The following CLEC16A variants were observed in gnomAD, a reference collection of about 807,000 sequenced individuals.
CLEC16A encodes C-type lectin domain containing 16A.
A neutral mutation model predicts 109.5 loss-of-function variants in CLEC16A; 51 were observed. That is an observed-to-expected ratio of 0.47 (90% CI 0.37 to 0.59). CLEC16A has a LOEUF of 0.59. Ranked by LOEUF, CLEC16A falls within the 20% of genes least tolerant of loss-of-function variation. The pLI is 0.00. For synonymous variants in CLEC16A, 673 were observed against 564.2 expected, an observed-to-expected ratio of 1.19 and a Z score of -2.73; for missense variants, 1,339 against 1,394.0, an observed-to-expected ratio of 0.96 and a Z score of 0.63.
At chr16:10,964,652 A>G (rs1355353986) in intron 3 of CLEC16A, among the ~76,000 whole-genome samples, 1 of 152,204 alleles carries the variant, frequency 6.6e-6, no homozygotes, top group Non-Finnish European at 1.5e-5. Context: ...CTCAAAGTCC[A>G]GCTAGGCACG....
At chr16:11,049,898 C>T (rs2047845460) in intron 17 of CLEC16A, among the ~76,000 whole-genome samples, 1 of 152,204 alleles carries the variant, frequency 6.6e-6, no homozygotes, top group Non-Finnish European at 1.5e-5. Flanking sequence ...TGGGGGACCT[C>T]AGGCTTCTGG....
At chr16:11,154,687 G>T (rs1345711918) in intron 22 of CLEC16A, among the ~76,000 whole-genome samples, 1 of 152,216 alleles carries the variant, frequency 6.6e-6, no homozygotes, top group Non-Finnish European at 1.5e-5. Context: ...CACTTTGGGA[G>T]GCTGAGGTGG....
chr16:10,962,475 T>C lies in CLEC16A; in HGVS notation c.230T>C (p.Met77Thr). 1 of 1,613,974 alleles carries C rather than the reference T, an allele frequency of 6.2e-7. No homozygotes were observed. The highest frequency in any genetic ancestry group is 8.5e-7 in the Non-Finnish European group (1 of 1,179,882). The change falls in exon 3 of 24, where the codon ATG becomes ACG. Residue 77 changes from methionine to threonine, a missense_variant. Around this residue, in one of 3 missense-constraint regions of CLEC16A, gnomAD observed 117 missense variants for 120.2 expected, o/e 0.97. Transcript: ENST00000409790. ...CCCAGCTTCTTCCTGGAGAAGAATA[T>C]GTTTGTTTTCTTCTTGAACATCTTG... is the stretch of plus-strand genomic sequence containing the variant. Reference protein sequence around the residue: ...SVFDFFLEKNMFVFFLNILRQ... With the variant: ...SVFDFFLEKNTFVFFLNILRQ...
Position 11,174,290 on chromosome 16 carries a change from T to C in CLEC16A, c.2807-4045T>C. On this transcript the variant is annotated intron_variant, in intron 23 of 23. Coordinates refer to ENST00000409790, the MANE Select transcript of CLEC16A (RefSeq NM_015226.3). This position sits in a 1 kb window ranked among gnomAD's most constrained non-coding sequence, Gnocchi z 4.7. The stretch of plus-strand genomic sequence containing the variant: ...ACAGTCAATTCAGGCAGGTCTCCCC[T>C]GTGAGCCGCTCGGGCCGCGACGTCC... 1 of 452,804 alleles carries C rather than the reference T, an allele frequency of 2.2e-6. No homozygotes were observed. 28.0% of individuals were successfully genotyped at this position (452,804 alleles called of 1,614,324 possible).
At chr16:10,973,531 T>C (rs1036542978) in intron 7 of CLEC16A, among the ~76,000 whole-genome samples, 5 of 152,138 alleles carry the variant, frequency 3.3e-5, no homozygotes, top group African/African-American at 1.2e-4. Flanking sequence ...GCTAGGATGT[T>C]GTGTGGGGAC....
intron 11 of CLEC16A, among the ~76,000 whole-genome samples, chr16:11,015,770 A>G (rs925336828): frequency 6.6e-6 from 1 of 152,260 alleles, no homozygotes; most frequent in Non-Finnish European, 1.5e-5. Flanking sequence ...CCTCCAGGCC[A>G]GGGTGCTGGG....
intron 19 of CLEC16A, among the ~76,000 whole-genome samples, chr16:11,101,462 C>A (rs772502876): frequency 2.6e-5 from 4 of 152,314 alleles, no homozygotes; most frequent in East Asian, 3.9e-4. Flanking sequence ...CCTTGACTGT[C>A]GCACTCTGCG....
chr16:10,973,093 T>TA, intron 7 of CLEC16A, 32 bp downstream of exon 7: 1 of 1,575,626 alleles, frequency 6.3e-7, no homozygotes, highest in Non-Finnish European at 8.6e-7. Context: ...ACTCAGTAGA[T>TA]AGACAGGGTG....
chr16:11,105,572 C>T (rs2152991680), intron 19 of CLEC16A, among the ~76,000 whole-genome samples: 1 of 152,314 alleles, frequency 6.6e-6, no homozygotes, highest in Admixed American at 6.5e-5. Flanking sequence ...TTTTACTAGA[C>T]ATGGCATGTG....
chr16:11,117,973 C>G (rs1180195099), intron 19 of CLEC16A, among the ~76,000 whole-genome samples: 1 of 150,708 alleles, frequency 6.6e-6, no homozygotes, highest in African/African-American at 2.4e-5. Context: ...CTTTCTTTTT[C>G]TTTTCTTTTC....
chr16:11,114,535 C>T (rs1485114005), intron 19 of CLEC16A, among the ~76,000 whole-genome samples: 1 of 152,180 alleles, frequency 6.6e-6, no homozygotes, highest in Non-Finnish European at 1.5e-5. Context: ...CCTTAGCACT[C>T]AGCATACTCC....
chr16:10,976,510 T>G lies in CLEC16A; in HGVS notation c.729-715T>G, dbSNP rs114080218. Among the ~76,000 whole-genome samples, 243 of 152,314 alleles carry G rather than the reference T, an allele frequency of 1.6e-3. 1 individual carries two copies. The highest frequency in any genetic ancestry group is 5.7e-3 in the African/African-American group (238 of 41,552). ...ATTTGTTAGTGGTGGGTTTGAGACT[T>G]TGAATTCTATTTGCTTTTATATTTT... On this transcript the variant is annotated intron_variant, in intron 7 of 23. Transcript: ENST00000409790.
chr16:11,166,673 C>T lies in CLEC16A; in HGVS notation c.2806+121C>T. ...ACAGCACTTGAAGGATGATGCCGCTCAGGTGATCTGCACATGAAGCCTCTA... is the reference window on the plus strand; with the variant it reads ...ACAGCACTTGAAGGATGATGCCGCTTAGGTGATCTGCACATGAAGCCTCTA... On this transcript the variant is annotated intron_variant, in intron 23 of 23. Transcript: ENST00000409790. 8.0e-6 allele frequency: 8 copies of T among 1,004,244 alleles called. No homozygotes were observed. The South Asian group carries it at 9.3e-5, about 12-fold the overall frequency. 62.2% of individuals were successfully genotyped at this position (1,004,244 alleles called of 1,614,324 possible). A position where few individuals can be genotyped will look rare whatever the true frequency, so the allele number is the denominator to read the frequency against.
At chr16:11,157,344 G>A (rs1041172137) in intron 22 of CLEC16A, 11 of 627,106 alleles carry the variant, frequency 1.8e-5, no homozygotes, top group African/African-American at 3.9e-5. Flanking sequence ...GTAGACCTGC[G>A]CCCTGGGCTG....
chr16:11,127,427 C>T (rs918262263), intron 22 of CLEC16A, among the ~76,000 whole-genome samples: 13 of 152,148 alleles, frequency 8.5e-5, no homozygotes, highest in African/African-American at 2.9e-4. Flanking sequence ...GTGCAAATTT[C>T]TCATGTCTGT....
chr16:10,982,299 C>T (rs1306755726), intron 9 of CLEC16A, among the ~76,000 whole-genome samples: 1 of 152,158 alleles, frequency 6.6e-6, no homozygotes, highest in Non-Finnish European at 1.5e-5. Flanking sequence ...TTGCCTCTGT[C>T]TCGTGTGATT....
In CLEC16A at chr16:11,180,841, G is replaced by A. The variant is rs2068933267; in HGVS notation, c.*2151G>A. On this transcript the variant is annotated 3_prime_UTR_variant, in exon 24 of 24. Transcript: ENST00000409790. ...TGTAACCACTGAGCACTGAAGGAGA[G>A]AGGTCTTGGTCAGGGCTGGACAGCA... is the stretch of plus-strand genomic sequence containing the variant. 6.6e-6 allele frequency: 1 copy of A among 152,508 alleles called. No individual in the cohort carries two copies. The highest frequency in any genetic ancestry group is 2.4e-5 in the African/African-American group (1 of 41,470). The allele number at this position is 152,508 out of a possible 1,614,324, so 9.4% of individuals were successfully genotyped here. A position where few individuals can be genotyped will look rare whatever the true frequency, so the allele number is the denominator to read the frequency against.
intron 11 of CLEC16A, among the ~76,000 whole-genome samples, chr16:11,010,064 G>C (rs544582751): frequency 2.0e-5 from 3 of 152,142 alleles, no homozygotes; most frequent in African/African-American, 7.2e-5. Flanking sequence ...GAGGTGGAAG[G>C]ATCCCTTGAG....
intron 23 of CLEC16A, among the ~76,000 whole-genome samples, chr16:11,167,096 G>C (rs545262806): frequency 6.6e-6 from 1 of 152,230 alleles, no homozygotes; most frequent in East Asian, 1.9e-4. Flanking sequence ...GAGGGAACCC[G>C]GGAGTGAATG....
Sources: gnomAD v4.1 joint callset for allele counts (sites outside exome capture counted in the v4.1 genomes callset) on GRCh38, gnomAD v4.1.1 for gene constraint, gnomAD v4.1.1 regional missense constraint, Gnocchi (gnomAD v3.1) non-coding constraint, MANE v1.5 for transcripts, NCBI Gene and HGNC (gene_info 2026-07-23, HGNC 2026-07-21) for gene names.